SALL1: variants seen among roughly 807,000 people sequenced by gnomAD.
SALL1 encodes spalt like transcription factor 1.
In SALL1, 10 loss-of-function variants were observed where a neutral mutation model predicts 73.1. That is an observed-to-expected ratio of 0.14 (90% CI 0.08 to 0.23). SALL1 has a LOEUF of 0.23. Among genes scored for constraint, SALL1 ranks in the 10% least tolerant of loss-of-function variants. SALL1 has a pLI of 1.00. For synonymous variants in SALL1, 688 were observed against 689.8 expected (o/e 1.00, Z 0.04); for missense variants, 1,520 against 1,697.3 (o/e 0.90, Z 1.84).
At chr16:51,145,393 T>G (rs978799927) in intron 1 of SALL1, among the ~76,000 whole-genome samples, 10 of 152,192 alleles carry the variant, frequency 6.6e-5, no homozygotes, top group African/African-American at 2.4e-4. Context: ...ATAACATTCC[T>G]GTTCCTTTTC....
Position 51,139,130 on chromosome 16 carries a change from C to A in SALL1, c.3092G>T (p.Cys1031Phe). Residue 1031 changes from cysteine (C) to phenylalanine (F), a missense_variant, in exon 2 of 3, where the codon TGC becomes TTC. Cys to Phe is a radical substitution (Grantham distance 205). Transcript: ENST00000251020. Reference protein sequence around the residue: ...RSHTKERPFICTVCNRGFSTK... With the variant: ...RSHTKERPFIFTVCNRGFSTK... ...GGAAAAGCCACGATTGCAAACTGTG[C>A]AAATAAATGGTCTCTCTTTGGTATG... 1 of 1,614,188 alleles carries A rather than the reference C, an allele frequency of 6.2e-7. No homozygotes were observed. The highest frequency in any genetic ancestry group is 8.5e-7 in the Non-Finnish European group (1 of 1,180,030).
chr16:51,150,537 G>T, intron 1 of SALL1: 6 of 985,962 alleles, frequency 6.1e-6, no homozygotes, highest in Non-Finnish European at 7.2e-6. Context: ...CAACCCCAGC[G>T]GGTCAGGCGC....
At chr16:51,138,585 C>T in intron 2 of SALL1, 103 bp downstream of exon 2, 1 of 1,430,242 alleles carries the variant, frequency 7.0e-7, no homozygotes, top group Non-Finnish European at 9.4e-7. Flanking sequence ...GAGCTCTCTC[C>T]CTGAATATCT....
At position 51,139,334 on chromosome 16, in the gene SALL1, G is replaced by C. The variant is rs1202781174; in HGVS notation, c.2888C>G (p.Thr963Ser). ...ATCCAAAGCCCCACCATTCACTGGG[G>C]TGGGAGACAAACCATTGGCAAACTC... Reference protein sequence around the residue: ...PSEFANGLSPTPVNGGALDLT... With the variant: ...PSEFANGLSPSPVNGGALDLT... The change falls in exon 2 of 3, where the codon ACC becomes AGC. Residue 963 changes from threonine to serine, a missense_variant. This residue lies in a region of SALL1 where 266 missense variants were observed against 275.1 expected (regional missense o/e 0.97). Transcript: ENST00000251020. 6.2e-7 allele frequency: 1 copy of C among 1,614,014 alleles called. No homozygotes were observed.
In SALL1 at chr16:51,140,161, C is replaced by T. The variant is rs1962393037; in HGVS notation, c.2061G>A (p.Glu687=). The T allele has an allele frequency of 6.2e-7, 1 of 1,614,154 alleles. No homozygotes were observed. The highest frequency in any genetic ancestry group is 8.5e-7 in the Non-Finnish European group (1 of 1,180,038). ...GGLLDSAQAS[E]TSKLQQLVEN... ...CTACCAGTTGCTGAAGCTTGGACGT[C>T]TCTGATGCCTGAGCTGAGTCCAGGA... is the stretch of plus-strand genomic sequence containing the variant. Residue 687 remains glutamate (E), a synonymous_variant, in exon 2 of 3, where the codon GAG becomes GAA. Coordinates refer to ENST00000251020, the MANE Select transcript of SALL1 (RefSeq NM_002968.3). This position sits in a 1 kb window ranked among gnomAD's most constrained non-coding sequence, Gnocchi z 5.7.
At position 51,151,261 on chromosome 16, in the gene SALL1, G is replaced by A. The variant is rs1453352567; in HGVS notation, c.-20C>T. On this transcript the variant is annotated 5_prime_UTR_variant, in exon 1 of 3. Coordinates refer to ENST00000251020, the MANE Select transcript of SALL1 (RefSeq NM_002968.3). ...CGACATGCTGGCTCAAACATCAGCT[G>A]GGGCAGAATAAAAAATTACTAAAAA... 1.3e-6 allele frequency: 2 copies of A among 1,536,478 alleles called. No individual in the cohort carries two copies. Among genetic ancestry groups the A allele is most frequent in the Admixed American group, 1.9e-5 (1 of 53,440 alleles).
upstream of SALL1, among the ~76,000 whole-genome samples, chr16:51,151,911 G>A (rs1291549793): frequency 1.3e-5 from 2 of 151,854 alleles, no homozygotes; most frequent in Non-Finnish European, 1.5e-5. Context: ...CCCGCGGGGG[G>A]AGGGAGTCCC....
At chr16:51,145,339 A>T (rs1208505719) in intron 1 of SALL1, among the ~76,000 whole-genome samples, 1 of 152,124 alleles carries the variant, frequency 6.6e-6, no homozygotes, top group Non-Finnish European at 1.5e-5. Context: ...TGGTGACCCC[A>T]TTATAGTAAA....
At chr16:51,150,137 C>A (rs1263102819) in intron 1 of SALL1, among the ~76,000 whole-genome samples, 3 of 152,176 alleles carry the variant, frequency 2.0e-5, no homozygotes, top group Non-Finnish European at 4.4e-5. Flanking sequence ...CTTTGTACCC[C>A]AACTCCCTGC....
At chr16:51,147,862 G>A (rs1278899765) in intron 1 of SALL1, among the ~76,000 whole-genome samples, 1 of 150,962 alleles carries the variant, frequency 6.6e-6, no homozygotes, top group Admixed American at 6.6e-5. Context: ...CCAATTTGTA[G>A]TAAAGAGCCC....
Position 51,140,068 on chromosome 16 carries a change from C to T in SALL1, c.2154G>A (p.Gln718=), listed in dbSNP as rs772972954. 1.2e-6 allele frequency: 2 copies of T among 1,614,110 alleles called. No individual in the cohort carries two copies. Among genetic ancestry groups the T allele is most frequent in the African/African-American group, 2.7e-5 (2 of 74,936 alleles). Residue 718 remains glutamine, a synonymous_variant, in exon 2 of 3, where the codon CAG becomes CAA. Transcript: ENST00000251020. This position sits in a 1 kb window ranked among gnomAD's most constrained non-coding sequence, Gnocchi z 5.7. ...CIICHRVLSC[Q]SALKMHYRTH... ...TCCTGTAGTGCATTTTCAAGGCGCT[C>T]TGGCAGCTGAGAACCCGGTGGCAGA...
rs367642766 is a variant in SALL1 at position 51,140,965 on chromosome 16, C to G, written c.1257G>C (p.Leu419Phe). Residue 419 changes from leucine to phenylalanine, a missense_variant, in exon 2 of 3, where the codon TTG becomes TTC. Leu to Phe is a conservative substitution (Grantham distance 22). Transcript: ENST00000251020. This position sits in a 1 kb window ranked among gnomAD's most constrained non-coding sequence, Gnocchi z 5.7. ...IGTTAEDLNS[L>F]SALAQQRKSK... ...TTTTTCTTTGCTGGGCCAAGGCAGA[C>G]AAGGAGTTTAAATCCTCTGCAGTTG... is the stretch of plus-strand genomic sequence containing the variant. The G allele has an allele frequency of 1.2e-6, 2 of 1,614,224 alleles. No individual in the cohort carries two copies. Among genetic ancestry groups the G allele is most frequent in the Admixed American group, 3.3e-5 (2 of 60,030 alleles).
chr16:51,140,893 A>C lies in SALL1; in HGVS notation c.1329T>G (p.Asp443Glu), dbSNP rs201203066. ...TGCACTTGTGTTTGAAGAATGCCTCATCGGAAGTACTTTTCGCTTCAAAGG... is the reference window on the plus strand; with the variant it reads ...TGCACTTGTGTTTGAAGAATGCCTCCTCGGAAGTACTTTTCGCTTCAAAGG... Reference protein sequence around the residue: ...VTAFEAKSTSDEAFFKHKCRF... With the variant: ...VTAFEAKSTSEEAFFKHKCRF... Residue 443 changes from aspartate to glutamate, a missense_variant, in exon 2 of 3, where the codon GAT becomes GAG. Around this residue, in one of 7 missense-constraint regions of SALL1, gnomAD observed 540 missense variants for 567.5 expected, o/e 0.95. Coordinates refer to ENST00000251020, the MANE Select transcript of SALL1 (RefSeq NM_002968.3). The surrounding 1 kb of genome is among the most constrained non-coding windows in gnomAD (Gnocchi z 5.7). 2.5e-6 allele frequency: 4 copies of C among 1,614,224 alleles called. No homozygotes were observed. Among genetic ancestry groups the C allele is most frequent in the East Asian group, 4.5e-5 (2 of 44,878 alleles).
intron 2 of SALL1, 34 bp from the exon 3 acceptor site, chr16:51,137,586 G>C: frequency 1.4e-6 from 2 of 1,471,550 alleles, no homozygotes; most frequent in Non-Finnish European, 1.9e-6. Context: ...GAGAGACAGA[G>C]AGAGAGAGAG....
rs1282783714 is a variant in SALL1 at position 51,136,427 on chromosome 16, G to A, written c.*685C>T. 6.6e-6 allele frequency: 1 copy of A among 152,494 alleles called. No homozygotes were observed. The highest frequency in any genetic ancestry group is 2.4e-5 in the African/African-American group (1 of 41,378). 9.4% of individuals were successfully genotyped at this position (152,494 alleles called of 1,614,324 possible). On this transcript the variant is annotated 3_prime_UTR_variant, in exon 3 of 3. Transcript: ENST00000251020. ...TTTCTTTTTCTCTAAAGAATTCTGC[G>A]TGCTTATTACTGTACAGAAACTTAT...
chr16:51,151,569 C>G (rs1243555866), upstream of SALL1, among the ~76,000 whole-genome samples: 12 of 151,762 alleles, frequency 7.9e-5, no homozygotes, highest in African/African-American at 2.7e-4. Flanking sequence ...AATAAGCCGG[C>G]CGCGGGGCTG....
chr16:51,138,496 C>G (rs1962351419), intron 2 of SALL1, among the ~76,000 whole-genome samples, 192 bp downstream of exon 2: 2 of 152,166 alleles, frequency 1.3e-5, no homozygotes, highest in South Asian at 4.1e-4. Context: ...GCCCTTGTCC[C>G]TGCCATGATC....
chr16:51,150,917 G>A (rs1363812180), intron 1 of SALL1: 5 of 384,482 alleles, frequency 1.3e-5, no homozygotes, highest in Non-Finnish European at 2.3e-5. Context: ...TCCCCCGGGA[G>A]GACCCAACAA....
chr16:51,149,126 A>G (rs1253475611), intron 1 of SALL1: 1 of 152,640 alleles, frequency 6.6e-6, no homozygotes, highest in African/African-American at 2.4e-5. Context: ...AGTACTAATA[A>G]AGAATAATGG....
Sources: allele counts gnomAD v4.1 joint callset (sites outside exome capture counted in the v4.1 genomes callset), GRCh38; gene constraint gnomAD v4.1.1; regional missense constraint gnomAD v4.1.1; non-coding constraint Gnocchi (gnomAD v3.1); transcripts MANE v1.5; gene names NCBI Gene and HGNC (gene_info 2026-07-23, HGNC 2026-07-21).